The following TRPS1 variants were observed in gnomAD, a reference collection of about 807,000 sequenced individuals.
The protein encoded by TRPS1 is zinc finger transcription factor Trps1.
A neutral mutation model predicts 101.2 loss-of-function variants in TRPS1; 6 were observed. The ratio of observed to expected loss-of-function variants is 0.06; its 90% CI spans 0.03 to 0.12. TRPS1 has a LOEUF of 0.12. TRPS1 is among the 10% of genes least tolerant of loss of function. TRPS1 has a pLI of 1.00. For missense variants in TRPS1, 1,363 were observed against 1,567.0 expected (o/e 0.87, Z 2.20); for synonymous variants, 578 against 589.8 (o/e 0.98, Z 0.29).
intron 5 of TRPS1, among the ~76,000 whole-genome samples, chr8:115,449,465 T>C (rs928214679): frequency 2.0e-5 from 3 of 152,200 alleles, no homozygotes; most frequent in Non-Finnish European, 4.4e-5. Context: ...TTACTAAGCA[T>C]GGCACACACA....
At chr8:115,507,849 T>C (rs535295446) in intron 5 of TRPS1, among the ~76,000 whole-genome samples, 1 of 152,210 alleles carries the variant, frequency 6.6e-6, no homozygotes, top group South Asian at 2.1e-4. Flanking sequence ...GTGAAGCTTC[T>C]GCCTAGGCTG....
At position 115,589,668 on chromosome 8, in the gene TRPS1, G is replaced by A. The variant is rs1232519852; in HGVS notation, c.2097-2064C>T. ...AAGTGGAAACAGCCTAACCTTTAAC[G>A]TGAAGACGATTATCAACAAGAGGAA... is the stretch of plus-strand genomic sequence containing the variant. On this transcript the variant is annotated intron_variant, in intron 4 of 6. Transcript: ENST00000395715. Among the ~76,000 whole-genome samples, 4 of 152,264 alleles carry A rather than the reference G, an allele frequency of 2.6e-5. No individual in the cohort carries two copies. The East Asian group carries it at 7.7e-4, about 29-fold the overall frequency.
In TRPS1 at chr8:115,662,777, C is replaced by T. The variant is rs982020761; in HGVS notation, c.-122+5768G>A. Among the ~76,000 whole-genome samples, 4 of 151,028 alleles carry T rather than the reference C, an allele frequency of 2.6e-5. No individual in the cohort carries two copies. The East Asian group carries it at 7.8e-4, about 29-fold the overall frequency. On this transcript the variant is annotated intron_variant, in intron 1 of 6. Transcript: ENST00000395715. ...ATCTAAAATTGTAAGAAAAAAAGAG[C>T]TGCCTGTAGAAACGCACTGACCCTT...
intron 4 of TRPS1, among the ~76,000 whole-genome samples, chr8:115,602,983 A>G (rs1817943018): frequency 6.6e-6 from 1 of 152,130 alleles, no homozygotes; most frequent in South Asian, 2.1e-4. Flanking sequence ...ATCTTTTATG[A>G]CACTTATTAC....
At chr8:115,460,686 G>A (rs1466421869) in intron 5 of TRPS1, among the ~76,000 whole-genome samples, 1 of 151,736 alleles carries the variant, frequency 6.6e-6, no homozygotes, top group Non-Finnish European at 1.5e-5. Flanking sequence ...TTATAACCAA[G>A]ACCATGCGAT....
chr8:115,544,102 C>T (rs1012947535), intron 5 of TRPS1, among the ~76,000 whole-genome samples: 5 of 150,526 alleles, frequency 3.3e-5, no homozygotes, highest in African/African-American at 1.2e-4. Flanking sequence ...TAATTTCAAA[C>T]CTGTGAAGTG....
At chr8:115,597,629 CTTAACTT>C (rs1395398470) in intron 4 of TRPS1, among the ~76,000 whole-genome samples, 5 of 151,938 alleles carry the variant, frequency 3.3e-5, no homozygotes, top group African/African-American at 1.2e-4. Flanking sequence ...ATTTTTTGTG[CTTAACTT>C]TTAATAAGGA....
chr8:115,599,320 T>G (rs1817856102), intron 4 of TRPS1, among the ~76,000 whole-genome samples: 1 of 152,086 alleles, frequency 6.6e-6, no homozygotes, highest in South Asian at 2.1e-4. Flanking sequence ...TTTTTGGTGA[T>G]CTTGATTTTT....
intron 1 of TRPS1, among the ~76,000 whole-genome samples, chr8:115,640,745 G>A (rs571582349): frequency 1.2e-3 from 179 of 152,294 alleles, no homozygotes; most frequent in African/African-American, 3.9e-3. Context: ...GTTGAAGGGC[G>A]TAGTCTATGT....
intron 1 of TRPS1, among the ~76,000 whole-genome samples, chr8:115,665,680 G>A (rs912007081): frequency 2.0e-5 from 3 of 152,060 alleles, no homozygotes; most frequent in African/African-American, 7.2e-5. Context: ...ATTAGTCATC[G>A]AAATGCTAAG....
At chr8:115,422,956 C>A (rs982224800) in intron 5 of TRPS1, among the ~76,000 whole-genome samples, 22 of 152,246 alleles carry the variant, frequency 1.4e-4, no homozygotes, top group Admixed American at 7.2e-4. Flanking sequence ...AATTGGCATT[C>A]CTGAGGGGCA....
chr8:115,566,074 G>C (rs1182859696), intron 5 of TRPS1, among the ~76,000 whole-genome samples: 5 of 152,066 alleles, frequency 3.3e-5, no homozygotes, highest in Non-Finnish European at 7.4e-5. Flanking sequence ...AAAGAAAACT[G>C]TACATATTGA....
At chr8:115,530,006 T>C (rs570897428) in intron 5 of TRPS1, among the ~76,000 whole-genome samples, 2 of 152,200 alleles carry the variant, frequency 1.3e-5, no homozygotes, top group South Asian at 4.1e-4. Flanking sequence ...AAAGACAGGG[T>C]AACCAAAAGC....
At chr8:115,474,082 G>A (rs922862412) in intron 5 of TRPS1, among the ~76,000 whole-genome samples, 25 of 152,234 alleles carry the variant, frequency 1.6e-4, no homozygotes, top group African/African-American at 6.0e-4. Flanking sequence ...GAAATACTCT[G>A]CTCTATACAT....
intron 5 of TRPS1, among the ~76,000 whole-genome samples, chr8:115,552,192 A>G (rs1816721259): frequency 6.6e-6 from 1 of 152,188 alleles, no homozygotes; most frequent in African/African-American, 2.4e-5. Flanking sequence ...CCTTTATGTC[A>G]CCAAATCTAA....
chr8:115,481,250 T>G (rs1361657959), intron 5 of TRPS1, among the ~76,000 whole-genome samples: 2 of 152,142 alleles, frequency 1.3e-5, no homozygotes, highest in Admixed American at 6.6e-5. Flanking sequence ...CAAAAATTAA[T>G]GAAATTAAGA....
chr8:115,481,638 G>C (rs899823490), intron 5 of TRPS1, among the ~76,000 whole-genome samples: 2 of 152,162 alleles, frequency 1.3e-5, no homozygotes, highest in Non-Finnish European at 2.9e-5. Context: ...AGAAGCTCCT[G>C]TCTGCTCATC....
intron 5 of TRPS1, among the ~76,000 whole-genome samples, chr8:115,572,570 A>G (rs747535969): frequency 1.3e-4 from 20 of 152,154 alleles, no homozygotes; most frequent in Non-Finnish European, 2.9e-4. Context: ...AAAGTCTTAA[A>G]GAATCAGTGT....
Position 115,580,234 on chromosome 8 carries a change from G to GAAA in TRPS1, c.2700+6764_2700+6766dup, listed in dbSNP as rs10642817. ...ACAGTATCTAATGGAAGGGAGAGAA[G>GAAA]AAAAAAAAAAAATATATATATATAT... is the stretch of plus-strand genomic sequence containing the variant. On this transcript the variant is annotated intron_variant, in intron 5 of 6. Coordinates refer to ENST00000395715, the MANE Select transcript of TRPS1 (RefSeq NM_014112.5). 8.3e-3 allele frequency among the ~76,000 whole-genome samples: 1,103 copies of GAAA among 133,060 alleles called. 16 individuals carry two copies. The highest frequency in any genetic ancestry group is 0.021 in the African/African-American group (734 of 34,748). The allele number at this position is 133,060 out of a possible 152,430, so 87.3% of individuals were successfully genotyped here.
Sources: allele counts gnomAD v4.1 joint callset (sites outside exome capture counted in the v4.1 genomes callset), GRCh38; gene constraint gnomAD v4.1.1; transcripts MANE v1.5; gene names NCBI Gene and HGNC (gene_info 2026-07-23, HGNC 2026-07-21).